CHRM3: variants seen among roughly 807,000 people sequenced by gnomAD.
CHRM3 encodes the protein muscarinic acetylcholine receptor M3.
Under a neutral mutation model 41.8 loss-of-function variants are expected in CHRM3, and 11 were observed. The observed-to-expected ratio is 0.26, with a 90% CI of 0.17 to 0.44. CHRM3 has a LOEUF of 0.44. CHRM3 is among the 20% of genes least tolerant of loss of function. The pLI is 1.00. For synonymous variants in CHRM3, 297 were observed against 301.4 expected, an observed-to-expected ratio of 0.99 and a Z score of 0.15; for missense variants, 571 against 745.4, an observed-to-expected ratio of 0.77 and a Z score of 2.72.
rs1680366463 is a variant in CHRM3 at position 239,911,494 on chromosome 1, T to A, written c.*2270T>A. The A allele has an allele frequency of 6.0e-6, 1 of 166,426 alleles. No individual in the cohort carries two copies. Among genetic ancestry groups the A allele is most frequent in the Non-Finnish European group, 1.5e-5 (1 of 68,014 alleles). The allele number at this position is 166,426 out of a possible 1,614,324, so 10.3% of individuals were successfully genotyped here. On this transcript the variant is annotated 3_prime_UTR_variant, in exon 7 of 7. Coordinates refer to ENST00000676153, the MANE Select transcript of CHRM3 (RefSeq NM_001375978.1). The stretch of plus-strand genomic sequence containing the variant: ...TGTCCCAGTACTTCAGCACTTCCCA[T>A]CCTTTTGGAAACTCCTATCTTGCCT...
At chr1:239,511,620 T>C (rs537893399) in intron 2 of CHRM3, among the ~76,000 whole-genome samples, 3 of 152,188 alleles carry the variant, frequency 2.0e-5, no homozygotes, top group Non-Finnish European at 4.4e-5. Flanking sequence ...GGCTCACTTG[T>C]TTGGGAGTGG....
At chr1:239,863,629 C>G (rs116548945) in intron 6 of CHRM3, among the ~76,000 whole-genome samples, 2,749 of 152,174 alleles carry the variant, frequency 0.018, 99 homozygotes, top group African/African-American at 0.063. Context: ...AGAAGATTCC[C>G]AAGAGGAATT....
At chr1:239,703,370 A>G (rs1660860031) in intron 5 of CHRM3, 1 of 152,198 alleles carries the variant, frequency 6.6e-6, no homozygotes, top group South Asian at 2.1e-4. Flanking sequence ...GGAAAACATA[A>G]AAGATTAATG....
At chr1:239,813,908 C>G (rs1388764251) in intron 5 of CHRM3, among the ~76,000 whole-genome samples, 3 of 54,670 alleles carry the variant, frequency 5.5e-5, no homozygotes, top group South Asian at 7.2e-4. Context: ...CAGAGCGAGA[C>G]TCCGTCTCAA....
chr1:239,890,874 T>G (rs528758883), intron 6 of CHRM3, among the ~76,000 whole-genome samples: 1 of 152,286 alleles, frequency 6.6e-6, no homozygotes, highest in South Asian at 2.1e-4. Flanking sequence ...TTCTATAAAG[T>G]GTTTGATGCA....
chr1:239,592,439 A>G (rs1664286178), intron 3 of CHRM3, among the ~76,000 whole-genome samples: 1 of 152,098 alleles, frequency 6.6e-6, no homozygotes, highest in South Asian at 2.1e-4. Flanking sequence ...TAGCCATGTC[A>G]TTCTCCCCAC....
chr1:239,770,731 A>C (rs1667593061), intron 5 of CHRM3, among the ~76,000 whole-genome samples: 1 of 152,120 alleles, frequency 6.6e-6, no homozygotes, highest in Admixed American at 6.6e-5. Context: ...GATATAAGGA[A>C]CCACAAGCCT....
intron 5 of CHRM3, among the ~76,000 whole-genome samples, chr1:239,794,984 C>T (rs945809399): frequency 8.5e-5 from 13 of 152,256 alleles, no homozygotes; most frequent in East Asian, 1.9e-4. Flanking sequence ...ATGATCCACA[C>T]GTGAGAATAG....
intron 3 of CHRM3, among the ~76,000 whole-genome samples, chr1:239,556,393 G>GGTT (rs1660359315): frequency 6.6e-6 from 1 of 152,094 alleles, no homozygotes; most frequent in Non-Finnish European, 1.5e-5. Context: ...ATCGTCTCAT[G>GGTT]GTTTTTTTGA....
Position 239,907,618 on chromosome 1 carries a change from C to G in CHRM3, c.167C>G (p.Thr56Ser). 2 of 1,614,206 alleles carry G rather than the reference C, an allele frequency of 1.2e-6. No individual in the cohort carries two copies. Among genetic ancestry groups the G allele is most frequent in the South Asian group, 2.2e-5 (2 of 91,090 alleles). ...AGNFSSPDGTTDDPLGGHTVW... is the reference protein window; with the variant it reads ...AGNFSSPDGTSDDPLGGHTVW... Reference sequence around the variant, plus strand: ...AATTTCTCCTCTCCAGACGGTACCACCGATGACCCTCTGGGAGGTCATACC... The same window carrying G: ...AATTTCTCCTCTCCAGACGGTACCAGCGATGACCCTCTGGGAGGTCATACC... Residue 56 changes from threonine to serine, a missense_variant, in exon 7 of 7, where the codon ACC becomes AGC. Around this residue, in one of 5 missense-constraint regions of CHRM3, gnomAD observed 92 missense variants for 76.1 expected, o/e 1.21. Coordinates refer to ENST00000676153, the MANE Select transcript of CHRM3 (RefSeq NM_001375978.1). The surrounding 1 kb of genome is among the most constrained non-coding windows in gnomAD (Gnocchi z 5.4).
intron 1 of CHRM3, among the ~76,000 whole-genome samples, chr1:239,404,398 AAG>A (rs1351562304): frequency 0.017 from 1,161 of 68,432 alleles, 4 homozygotes; most frequent in Non-Finnish European, 0.023. Context: ...GAAAGAAAGA[AAG>A]AAAGAAAGAA....
At chr1:239,483,272 CAGTAGA>C (rs1399521330) in intron 1 of CHRM3, among the ~76,000 whole-genome samples, 3 of 152,208 alleles carry the variant, frequency 2.0e-5, no homozygotes, top group Non-Finnish European at 4.4e-5. Flanking sequence ...AGTGTTGTCC[CAGTAGA>C]AGACTGTTAA....
intron 5 of CHRM3, among the ~76,000 whole-genome samples, chr1:239,758,761 T>C (rs906857721): frequency 1.3e-5 from 2 of 152,246 alleles, no homozygotes; most frequent in African/African-American, 4.8e-5. Flanking sequence ...AGAAAAACTC[T>C]TTGTTGACAG....
At chr1:239,874,309 A>G (rs866240997) in intron 6 of CHRM3, among the ~76,000 whole-genome samples, 1 of 120,256 alleles carries the variant, frequency 8.3e-6, no homozygotes, top group East Asian at 2.3e-4. Flanking sequence ...ATATATATAT[A>G]TATATATATA....
intron 1 of CHRM3, among the ~76,000 whole-genome samples, chr1:239,436,130 C>T (rs981960846): frequency 7.2e-5 from 11 of 151,982 alleles, no homozygotes; most frequent in African/African-American, 2.4e-4. Flanking sequence ...CTCATGGGTG[C>T]GTAAGAGGGA....
chr1:239,520,437 G>A (rs768866728), intron 2 of CHRM3, among the ~76,000 whole-genome samples: 30 of 152,068 alleles, frequency 2.0e-4, no homozygotes, highest in Non-Finnish European at 4.0e-4. Flanking sequence ...AGACCTGGCT[G>A]TTGAACGGTG....
chr1:239,796,160 C>T (rs1297789671), intron 5 of CHRM3, among the ~76,000 whole-genome samples: 6 of 152,030 alleles, frequency 3.9e-5, no homozygotes, highest in East Asian at 3.9e-4. Flanking sequence ...GTCTTGTCTT[C>T]CTAGAAGAGC....
At chr1:239,896,621 A>G (rs1207268935) in intron 6 of CHRM3, among the ~76,000 whole-genome samples, 1 of 152,010 alleles carries the variant, frequency 6.6e-6, no homozygotes, top group Non-Finnish European at 1.5e-5. Context: ...ACAACTCTAC[A>G]TTTTTCTGGG....
intron 6 of CHRM3, among the ~76,000 whole-genome samples, chr1:239,875,956 A>G (rs531564897): frequency 3.3e-4 from 51 of 152,302 alleles, no homozygotes; most frequent in African/African-American, 1.2e-3. Context: ...GAAATGTTGT[A>G]GGAGAAGGAA....
Sources: allele counts gnomAD v4.1 joint callset (sites outside exome capture counted in the v4.1 genomes callset), GRCh38; gene constraint gnomAD v4.1.1; regional missense constraint gnomAD v4.1.1; non-coding constraint Gnocchi (gnomAD v3.1); transcripts MANE v1.5; gene names NCBI Gene and HGNC (gene_info 2026-07-23, HGNC 2026-07-21).